IRAG1: variants seen among roughly 807,000 people sequenced by gnomAD.
IRAG1 encodes IP3R-associated cGMP kinase substrate.
In IRAG1, 62 loss-of-function variants were observed where a neutral mutation model predicts 106.2. The observed-to-expected ratio is 0.58, with a 90% CI of 0.48 to 0.72. The LOEUF (loss-of-function observed/expected upper bound fraction) is 0.72. Among genes scored for constraint, IRAG1 ranks in the 30% least tolerant of loss-of-function variants. The probability of loss-of-function intolerance (pLI) is 0.00; values close to 1 mark genes in which losing one functional copy is unlikely to be tolerated. For missense variants in IRAG1, 1,064 were observed against 1,140.7 expected, an observed-to-expected ratio of 0.93 and a Z score of 0.97; for synonymous variants, 462 against 443.9, an observed-to-expected ratio of 1.04 and a Z score of -0.51.
At chr11:10,598,728 A>G (rs1853606243) in intron 15 of IRAG1, among the ~76,000 whole-genome samples, 1 of 152,246 alleles carries the variant, frequency 6.6e-6, no homozygotes, top group Non-Finnish European at 1.5e-5. Flanking sequence ...GAGCCTTAAA[A>G]AATTTATTTC....
chr11:10,631,701 C>T (rs982597077), intron 4 of IRAG1, among the ~76,000 whole-genome samples: 9 of 152,230 alleles, frequency 5.9e-5, no homozygotes, highest in Non-Finnish European at 1.2e-4. Context: ...TTAGCAGAGG[C>T]TGGAGGACTC....
At chr11:10,651,050 C>G (rs2134891312) in intron 2 of IRAG1, among the ~76,000 whole-genome samples, 1 of 152,340 alleles carries the variant, frequency 6.6e-6, no homozygotes, top group South Asian at 2.1e-4. Flanking sequence ...TCTATCCCAC[C>G]TGGCTCAGGT....
chr11:10,686,458 T>C (rs1861662529), intron 1 of IRAG1, among the ~76,000 whole-genome samples: 1 of 152,198 alleles, frequency 6.6e-6, no homozygotes, highest in Non-Finnish European at 1.5e-5. Context: ...AACTTGTTCA[T>C]AAACAAGACT....
In IRAG1 at chr11:10,573,963, A is replaced by C. The variant is rs1207708565; in HGVS notation, c.*2369T>G. ...GGGCAAATCATCCACTTCTGCCCCC[A>C]GAGTCCCTCTGCCCTGCTCTGTAAC... On this transcript the variant is annotated 3_prime_UTR_variant, in exon 21 of 21. Transcript: ENST00000423302. 1 of 152,494 alleles carries C rather than the reference A, an allele frequency of 6.6e-6. No homozygotes were observed. Among genetic ancestry groups the C allele is most frequent in the East Asian group, 1.9e-4 (1 of 5,180 alleles). 9.4% of individuals were successfully genotyped at this position (152,494 alleles called of 1,614,324 possible).
intron 2 of IRAG1, among the ~76,000 whole-genome samples, chr11:10,651,752 T>A (rs542569456): frequency 8.5e-5 from 13 of 152,370 alleles, no homozygotes; most frequent in African/African-American, 3.1e-4. Flanking sequence ...AGAGGGAGCC[T>A]GCATGGTTTG....
At chr11:10,582,228 G>A (rs1019898276) in intron 18 of IRAG1, among the ~76,000 whole-genome samples, 1 of 152,064 alleles carries the variant, frequency 6.6e-6, no homozygotes, top group Non-Finnish European at 1.5e-5. Context: ...CTCCCAAACT[G>A]GCGTTTATTC....
intron 1 of IRAG1, among the ~76,000 whole-genome samples, chr11:10,677,912 A>C (rs2135162032): frequency 6.6e-6 from 1 of 152,366 alleles, no homozygotes; most frequent in South Asian, 2.1e-4. Flanking sequence ...TCTTTCACTT[A>C]GATAATGTTT....
chr11:10,587,652 CT>C (rs1219541149), intron 18 of IRAG1, among the ~76,000 whole-genome samples: 1 of 152,106 alleles, frequency 6.6e-6, no homozygotes, highest in African/African-American at 2.4e-5. Flanking sequence ...ATAATAACCC[CT>C]TTTTGACACT....
rs113487802 is a variant in IRAG1, at chr11:10,596,285, A to G, written c.2018-2090T>C. ...CCAAATAGTCTTTACCAAGCCCTCAATCTTGCATGGTATCTTAGCCATCTG... is the reference window on the plus strand; with the variant it reads ...CCAAATAGTCTTTACCAAGCCCTCAGTCTTGCATGGTATCTTAGCCATCTG... On this transcript the variant is annotated intron_variant, in intron 15 of 20. Transcript: ENST00000423302. Among the ~76,000 whole-genome samples, 761 of 152,322 alleles carry G rather than the reference A, an allele frequency of 5.0e-3. 5 individuals are homozygous for G. Among genetic ancestry groups the G allele is most frequent in the African/African-American group, 0.017 (714 of 41,574 alleles).
rs115816486 is a variant in IRAG1, at chr11:10,623,683, A to G, written c.1447+95T>C. On this transcript the variant is annotated intron_variant, in intron 10 of 20. Coordinates refer to ENST00000423302, the MANE Select transcript of IRAG1 (RefSeq NM_130385.4). ...CACCAGCAAATGTTTCCTGAGGAAGACACAGGAAGTCTTGTGTTTACACAT... is the reference window on the plus strand; with the variant it reads ...CACCAGCAAATGTTTCCTGAGGAAGGCACAGGAAGTCTTGTGTTTACACAT... 3,354 of 1,133,802 alleles carry G rather than the reference A, an allele frequency of 3.0e-3. 70 individuals are homozygous for G. In the African/African-American group the frequency reaches 0.046, roughly 16 times the overall value. The allele number at this position is 1,133,802 out of a possible 1,614,324, so 70.2% of individuals were successfully genotyped here.
chr11:10,610,897 G>A (rs1854903514), intron 10 of IRAG1, among the ~76,000 whole-genome samples: 1 of 152,128 alleles, frequency 6.6e-6, no homozygotes, highest in Non-Finnish European at 1.5e-5. Context: ...ATTTATCCAT[G>A]TTTTACTCTT....
intron 17 of IRAG1, 55 bp downstream of exon 17, chr11:10,593,437 G>C: frequency 2.0e-6 from 3 of 1,504,370 alleles, no homozygotes; most frequent in Non-Finnish European, 2.8e-6. Context: ...GACTGAGTAC[G>C]AAGGAAAGGT....
chr11:10,617,631 C>T (rs1169993588), intron 10 of IRAG1, among the ~76,000 whole-genome samples: 7 of 152,200 alleles, frequency 4.6e-5, no homozygotes. Flanking sequence ...ATTCAAGCTG[C>T]TTTCCGTGGG....
intron 15 of IRAG1, chr11:10,595,838 C>T (rs1185187961): frequency 6.6e-6 from 1 of 152,142 alleles, no homozygotes; most frequent in Non-Finnish European, 1.5e-5. Flanking sequence ...CTGCTCCTCT[C>T]CCTCCTCCTA....
chr11:10,653,591 C>CGGTGT (rs539196804), intron 1 of IRAG1, among the ~76,000 whole-genome samples: 3 of 152,086 alleles, frequency 2.0e-5, no homozygotes, highest in Non-Finnish European at 4.4e-5. Context: ...CCAGATATCT[C>CGGTGT]GGTGTGAGTC....
intron 2 of IRAG1, among the ~76,000 whole-genome samples, chr11:10,634,822 C>T (rs1426358157): frequency 2.0e-5 from 3 of 150,052 alleles, no homozygotes; most frequent in Non-Finnish European, 4.4e-5. Flanking sequence ...ATATATTTTT[C>T]ACATTTTTTA....
chr11:10,672,316 C>T (rs1860299281), intron 1 of IRAG1, among the ~76,000 whole-genome samples: 1 of 151,596 alleles, frequency 6.6e-6, no homozygotes, highest in Non-Finnish European at 1.5e-5. Context: ...TAAATGCAGG[C>T]AACAAAAGAA....
rs540304902 is a variant in IRAG1 at position 10,660,339 on chromosome 11, CT to C, written c.68-8158del. On this transcript the variant is annotated intron_variant, in intron 1 of 20. Transcript: ENST00000423302. Reference sequence around the variant, plus strand: ...ACTACATTTTACTATTATCTATGCTCTTCTGAAGATTTATTTCTATTGTCTC... The same window carrying C: ...ACTACATTTTACTATTATCTATGCTCTCTGAAGATTTATTTCTATTGTCTC... Among the ~76,000 whole-genome samples, 299 of 152,310 alleles carry C rather than the reference CT, an allele frequency of 2.0e-3. 1 individual carries two copies. Among genetic ancestry groups the C allele is most frequent in the African/African-American group, 6.9e-3 (287 of 41,560 alleles).
chr11:10,627,668 G>A (rs1466287013), intron 8 of IRAG1, 48 bp downstream of exon 8: 13 of 1,607,376 alleles, frequency 8.1e-6, no homozygotes, highest in Non-Finnish European at 1.1e-5. Flanking sequence ...CTAGGAGACT[G>A]TGCCCCCCAC....
Sources: gnomAD v4.1 joint callset for allele counts (sites outside exome capture counted in the v4.1 genomes callset) on GRCh38, gnomAD v4.1.1 for gene constraint, MANE v1.5 for transcripts, NCBI Gene and HGNC (gene_info 2026-07-23, HGNC 2026-07-21) for gene names.